The following SGCZ variants were observed in gnomAD, a reference collection of about 807,000 sequenced individuals.
The protein encoded by SGCZ is sarcoglycan zeta, also known as zeta-sarcoglycan.
Under a neutral mutation model 41.3 loss-of-function variants are expected in SGCZ, and 40 were observed. The ratio of observed to expected loss-of-function variants is 0.97; its 90% confidence interval spans 0.75 to 1.26. The LOEUF (loss-of-function observed/expected upper bound fraction) is 1.26. Ranked by LOEUF, SGCZ falls within the 50% of genes most tolerant of loss-of-function variation. SGCZ has a pLI of 0.00. For missense variants in SGCZ, 552 were observed against 369.8 expected (o/e 1.49, Z -4.04); for synonymous variants, 206 against 137.5 (o/e 1.50, Z -3.49).
Position 14,808,557 on chromosome 8 carries a change from G to A in SGCZ, c.40-253631C>T, listed in dbSNP as rs370669423. 2.8e-4 allele frequency among the ~76,000 whole-genome samples: 43 copies of A among 152,080 alleles called. 1 individual carries two copies. The highest frequency in any genetic ancestry group is 7.4e-5 in the Non-Finnish European group (5 of 68,018). On this transcript the variant is annotated intron_variant, in intron 1 of 7. Transcript: ENST00000382080. ...ACCATCTCACACTAGTTAGAATGGCGATCATTAAAAAGTCAGGAAACAACA... is the reference window on the plus strand; with the variant it reads ...ACCATCTCACACTAGTTAGAATGGCAATCATTAAAAAGTCAGGAAACAACA...
chr8:14,333,748 G>A (rs376859963), intron 2 of SGCZ, among the ~76,000 whole-genome samples: 1 of 151,776 alleles, frequency 6.6e-6, no homozygotes, highest in East Asian at 1.9e-4. Context: ...ATACACCAGG[G>A]AAATACTTTA....
chr8:14,109,504 A>G (rs1310397389), intron 5 of SGCZ, among the ~76,000 whole-genome samples: 1 of 152,168 alleles, frequency 6.6e-6, no homozygotes, highest in African/African-American at 2.4e-5. Context: ...TAAGAACCTC[A>G]TACCTGTTCC....
At chr8:14,631,341 A>T (rs1193050442) in intron 1 of SGCZ, among the ~76,000 whole-genome samples, 2 of 152,078 alleles carry the variant, frequency 1.3e-5, no homozygotes, top group African/African-American at 2.4e-5. Flanking sequence ...TAGAGTAATT[A>T]GTGACGTGCT....
chr8:14,600,234 C>T (rs931527272), intron 1 of SGCZ, among the ~76,000 whole-genome samples: 7 of 152,162 alleles, frequency 4.6e-5, no homozygotes, highest in African/African-American at 1.7e-4. Flanking sequence ...GCATTTTCTG[C>T]ATTCACCCAG....
intron 1 of SGCZ, among the ~76,000 whole-genome samples, chr8:14,580,895 A>C (rs1804866934): frequency 6.6e-6 from 1 of 152,172 alleles, no homozygotes; most frequent in South Asian, 2.1e-4. Context: ...TCACTCATTC[A>C]AGCACAATTT....
chr8:14,633,235 T>G (rs1310543596), intron 1 of SGCZ, among the ~76,000 whole-genome samples: 1 of 152,002 alleles, frequency 6.6e-6, no homozygotes, highest in Non-Finnish European at 1.5e-5. Flanking sequence ...CCTTTTATTC[T>G]GTATATAGAC....
chr8:14,800,906 C>G (rs934439287), intron 1 of SGCZ, among the ~76,000 whole-genome samples: 4 of 110,266 alleles, frequency 3.6e-5, no homozygotes, highest in African/African-American at 1.3e-4. Flanking sequence ...CAAAAAACAT[C>G]AGAAAAAAGA....
chr8:14,453,147 T>C (rs1032379302), intron 2 of SGCZ, among the ~76,000 whole-genome samples: 37 of 152,086 alleles, frequency 2.4e-4, no homozygotes, highest in African/African-American at 8.7e-4. Flanking sequence ...AAATATGTTA[T>C]ATACATTATA....
At chr8:14,155,727 C>A (rs1320814151) in intron 5 of SGCZ, among the ~76,000 whole-genome samples, 3 of 150,544 alleles carry the variant, frequency 2.0e-5, no homozygotes, top group African/African-American at 7.3e-5. Context: ...TTTATATATA[C>A]AAAGGCATAT....
At chr8:14,823,876 C>A (rs1181961435) in intron 1 of SGCZ, among the ~76,000 whole-genome samples, 1 of 152,016 alleles carries the variant, frequency 6.6e-6, no homozygotes, top group Non-Finnish European at 1.5e-5. Flanking sequence ...AATAGATAGA[C>A]AATGGTATAT....
At chr8:14,237,703 TAAATAGA>T in intron 3 of SGCZ, 24 bp from the exon 4 acceptor site, 1 of 1,585,314 alleles carries the variant, frequency 6.3e-7, no homozygotes, top group Non-Finnish European at 8.6e-7. Flanking sequence ...ATAAAATAAA[TAAATAGA>T]AAATAGAAAT....
chr8:14,306,417 T>C (rs1008810125), intron 3 of SGCZ, among the ~76,000 whole-genome samples: 1 of 152,212 alleles, frequency 6.6e-6, no homozygotes, highest in Non-Finnish European at 1.5e-5. Flanking sequence ...CCAAATAAAA[T>C]GTAAAGCACT....
chr8:15,098,155 G>T lies in SGCZ; in HGVS notation c.39+139430C>A, dbSNP rs186803156. Among the ~76,000 whole-genome samples, 222 of 150,898 alleles carry T rather than the reference G, an allele frequency of 1.5e-3. 1 individual carries two copies. Among genetic ancestry groups the T allele is most frequent in the African/African-American group, 5.2e-3 (214 of 41,044 alleles). ...AAAAGCAGAGCAGGAAAGGAGGTAAGAAAACAGATGTTGTAAAAGGAAATT... is the reference window on the plus strand; with the variant it reads ...AAAAGCAGAGCAGGAAAGGAGGTAATAAAACAGATGTTGTAAAAGGAAATT... On this transcript the variant is annotated intron_variant, in intron 1 of 7. Transcript: ENST00000382080.
At chr8:14,360,810 A>C (rs1293912211) in intron 2 of SGCZ, among the ~76,000 whole-genome samples, 4 of 152,136 alleles carry the variant, frequency 2.6e-5, no homozygotes, top group Non-Finnish European at 4.4e-5. Context: ...CTCTGCCATA[A>C]ATGCCGCAGA....
At chr8:14,207,169 T>C (rs564958519) in intron 4 of SGCZ, among the ~76,000 whole-genome samples, 4 of 152,388 alleles carry the variant, frequency 2.6e-5, no homozygotes, top group Admixed American at 2.0e-4. Flanking sequence ...TTGCTTAAAC[T>C]AGCTTGACCT....
intron 1 of SGCZ, among the ~76,000 whole-genome samples, chr8:14,983,294 C>T (rs1265682497): frequency 6.6e-6 from 1 of 151,282 alleles, no homozygotes; most frequent in Non-Finnish European, 1.5e-5. Context: ...AACTGGTAGG[C>T]TTAAGGGATC....
At chr8:14,827,089 A>C (rs1802353799) in intron 1 of SGCZ, among the ~76,000 whole-genome samples, 1 of 151,798 alleles carries the variant, frequency 6.6e-6, no homozygotes, top group Admixed American at 6.6e-5. Flanking sequence ...AAAGACTTAC[A>C]TGTTAGACAT....
At chr8:14,930,605 G>C (rs1029023972) in intron 1 of SGCZ, among the ~76,000 whole-genome samples, 3 of 151,950 alleles carry the variant, frequency 2.0e-5, no homozygotes, top group African/African-American at 7.3e-5. Context: ...ACCAATGATA[G>C]ACCGGATAAA....
At chr8:15,232,763 G>A (rs1055470899) in intron 1 of SGCZ, among the ~76,000 whole-genome samples, 1 of 141,632 alleles carries the variant, frequency 7.1e-6, no homozygotes, top group Non-Finnish European at 1.5e-5. Flanking sequence ...ACATATATAT[G>A]TGTGTATATA....
Sources: gnomAD v4.1 joint callset for allele counts (sites outside exome capture counted in the v4.1 genomes callset) on GRCh38, gnomAD v4.1.1 for gene constraint, MANE v1.5 for transcripts, NCBI Gene and HGNC (gene_info 2026-07-23, HGNC 2026-07-21) for gene names.